Variants in FGF7 observed in about 807,000 individuals in gnomAD.
FGF7 encodes fibroblast growth factor 7.
In FGF7, 6 loss-of-function variants were observed where a neutral mutation model predicts 20.5. The ratio of observed to expected loss-of-function variants is 0.29; its 90% CI spans 0.16 to 0.58. The LOEUF is 0.58. Ranked by LOEUF, FGF7 falls within the 20% of genes least tolerant of loss-of-function variation. The pLI, the probability that FGF7 is intolerant of heterozygous loss-of-function variation, is 0.90. For synonymous variants in FGF7, 64 were observed against 74.7 expected, an observed-to-expected ratio of 0.86 and a Z score of 0.74; for missense variants, 144 against 228.8, an observed-to-expected ratio of 0.63 and a Z score of 2.39.
chr15:49,426,947 T>C (rs1159001840), intron 2 of FGF7, among the ~76,000 whole-genome samples: 1 of 152,040 alleles, frequency 6.6e-6, no homozygotes, highest in East Asian at 1.9e-4. Context: ...GTTATGTGGC[T>C]ATCTTATTGG....
At chr15:49,481,831 A>G (rs1404045931) in intron 2 of FGF7, among the ~76,000 whole-genome samples, 2 of 152,170 alleles carry the variant, frequency 1.3e-5, no homozygotes, top group Non-Finnish European at 2.9e-5. Flanking sequence ...CAACTGGACG[A>G]GCTCTGACTA....
chr15:49,479,599 G>GTTTTTTTTTTTTTTTTTT lies in FGF7; in HGVS notation c.287-3540_287-3523dup, dbSNP rs56097665. ...GTAGGATTTCATAGTTAATACCTCT[G>GTTTTTTTTTTTTTTTTTT]TTTTTTTTTTTTTTTTTTTTTTTTT... is the stretch of plus-strand genomic sequence containing the variant. On this transcript the variant is annotated intron_variant, in intron 2 of 3. Coordinates refer to ENST00000267843, the MANE Select transcript of FGF7 (RefSeq NM_002009.4). Among the ~76,000 whole-genome samples, 6 of 63,322 alleles carry GTTTTTTTTTTTTTTTTTT rather than the reference G, an allele frequency of 9.5e-5. 1 individual carries two copies. Among genetic ancestry groups the GTTTTTTTTTTTTTTTTTT allele is most frequent in the African/African-American group, 2.5e-4 (4 of 15,942 alleles). The allele number at this position is 63,322 out of a possible 152,430, so 41.5% of individuals were successfully genotyped here.
intron 2 of FGF7, among the ~76,000 whole-genome samples, chr15:49,464,646 C>G (rs1490655901): frequency 6.6e-6 from 1 of 151,972 alleles, no homozygotes; most frequent in Non-Finnish European, 1.5e-5. Flanking sequence ...AAAATGACAC[C>G]AATAAATCAT....
chr15:49,447,148 G>A (rs577003740), intron 2 of FGF7, among the ~76,000 whole-genome samples: 2 of 151,668 alleles, frequency 1.3e-5, no homozygotes, highest in South Asian at 4.2e-4. Flanking sequence ...CTTTCAAAAA[G>A]TATTTCTTGT....
chr15:49,445,010 G>A (rs1033909341), intron 2 of FGF7, among the ~76,000 whole-genome samples: 3 of 151,362 alleles, frequency 2.0e-5, no homozygotes, highest in Non-Finnish European at 4.4e-5. Context: ...ATTCATATAT[G>A]AATTCATATT....
intron 2 of FGF7, among the ~76,000 whole-genome samples, chr15:49,475,401 T>C (rs1384988371): frequency 6.6e-6 from 1 of 152,208 alleles, no homozygotes; most frequent in Non-Finnish European, 1.5e-5. Flanking sequence ...GGGTAGTCCT[T>C]TGAAAAGATT....
intron 2 of FGF7, among the ~76,000 whole-genome samples, chr15:49,468,832 T>A (rs1302036175): frequency 6.6e-6 from 1 of 152,168 alleles, no homozygotes. Context: ...GAGGTTTGTC[T>A]TCCGTGTTAA....
At chr15:49,470,674 A>C (rs1270197448) in intron 2 of FGF7, among the ~76,000 whole-genome samples, 1 of 152,234 alleles carries the variant, frequency 6.6e-6, no homozygotes, top group Non-Finnish European at 1.5e-5. Flanking sequence ...AAAAATGGGC[A>C]TAGCAAGAGG....
rs1347876409 is a variant in FGF7, at chr15:49,424,495, G to A, written c.198G>A (p.Val66=). 6.2e-7 allele frequency: 1 copy of A among 1,613,008 alleles called. No homozygotes were observed. Residue 66 remains valine, a synonymous_variant, in exon 2 of 4, where the codon GTG becomes GTA. Coordinates refer to ENST00000267843, the MANE Select transcript of FGF7 (RefSeq NM_002009.4). ...ACATGGAAGGAGGGGATATAAGAGT[G>A]AGAAGACTCTTCTGTCGAACACAGT... ...YDYMEGGDIR[V]RRLFCRTQWY... is the part of the protein sequence containing the mutation.
chr15:49,437,506 T>C (rs1178919739), intron 2 of FGF7, among the ~76,000 whole-genome samples: 2 of 151,648 alleles, frequency 1.3e-5, no homozygotes, highest in African/African-American at 4.8e-5. Context: ...ATATCTGGAA[T>C]TCTATTTTAA....
chr15:49,474,980 T>G (rs2055121215), intron 2 of FGF7, among the ~76,000 whole-genome samples: 1 of 142,974 alleles, frequency 7.0e-6, no homozygotes, highest in Non-Finnish European at 1.5e-5. Flanking sequence ...GAATTTATAT[T>G]TAAAATTCAA....
intron 2 of FGF7, among the ~76,000 whole-genome samples, chr15:49,476,254 C>A (rs554970945): frequency 6.1e-5 from 7 of 114,880 alleles, no homozygotes; most frequent in African/African-American, 1.9e-4. Context: ...TTGCATTTGG[C>A]ATATACTGCC....
Position 49,458,710 on chromosome 15 carries a change from CTAAAAGCAA to C in FGF7, c.287-24438_287-24430del, listed in dbSNP as rs2053535113. Among the ~76,000 whole-genome samples, 7 of 152,126 alleles carry C rather than the reference CTAAAAGCAA, an allele frequency of 4.6e-5. No homozygotes were observed. The South Asian group carries it at 1.2e-3, about 27-fold the overall frequency. ...AAAATCAACTTCATAATAATGTTTCCTAAAAGCAATAGGATTAGTTACAGTTGTGGATAT... is the reference window on the plus strand; with the variant it reads ...AAAATCAACTTCATAATAATGTTTCCTAGGATTAGTTACAGTTGTGGATAT... On this transcript the variant is annotated intron_variant, in intron 2 of 3. Coordinates refer to ENST00000267843, the MANE Select transcript of FGF7 (RefSeq NM_002009.4).
chr15:49,482,851 T>C lies in FGF7; in HGVS notation c.287-300T>C, dbSNP rs1295106149. Reference sequence around the variant, plus strand: ...CAATAAACATTAGCTATTATTATTATAGTAAATTAGAAATTTAATTCTAGA... The same window carrying C: ...CAATAAACATTAGCTATTATTATTACAGTAAATTAGAAATTTAATTCTAGA... On this transcript the variant is annotated intron_variant, in intron 2 of 3. Coordinates refer to ENST00000267843, the MANE Select transcript of FGF7 (RefSeq NM_002009.4). 3.3e-5 allele frequency among the ~76,000 whole-genome samples: 5 copies of C among 152,132 alleles called. No homozygotes were observed. The South Asian group carries it at 6.2e-4, about 19-fold the overall frequency.
chr15:49,441,047 AATACT>A (rs2051590184), intron 2 of FGF7, among the ~76,000 whole-genome samples: 1 of 151,786 alleles, frequency 6.6e-6, no homozygotes, highest in African/African-American at 2.4e-5. Context: ...ATAACACTTA[AATACT>A]TATGAATAGC....
chr15:49,454,961 T>C (rs564902040), intron 2 of FGF7, among the ~76,000 whole-genome samples: 4 of 152,268 alleles, frequency 2.6e-5, no homozygotes, highest in Admixed American at 2.6e-4. Flanking sequence ...CCATGTTCCA[T>C]TAGCCAATTC....
chr15:49,425,594 CAT>C (rs1418211557), intron 2 of FGF7: 9 of 151,864 alleles, frequency 5.9e-5, no homozygotes, highest in Non-Finnish European at 1.2e-4. Context: ...CTGGTGTAAA[CAT>C]GTGCAAATCA....
intron 2 of FGF7, among the ~76,000 whole-genome samples, chr15:49,450,133 A>C (rs1436981221): frequency 6.6e-6 from 1 of 152,148 alleles, no homozygotes; most frequent in East Asian, 1.9e-4. Flanking sequence ...TCTTACAGGG[A>C]AATTCACTAT....
chr15:49,485,147 T>G lies in FGF7; in HGVS notation c.*643T>G, dbSNP rs2056300427. ...CTATAAATAAGAACAAAATTTCTAA[T>G]GCTGCTCAAGTGGAAAGGGTATTGC... is the stretch of plus-strand genomic sequence containing the variant. On this transcript the variant is annotated 3_prime_UTR_variant, in exon 4 of 4. Transcript: ENST00000267843. The G allele has an allele frequency of 6.6e-6, 1 of 152,342 alleles. No individual in the cohort carries two copies. The highest frequency in any genetic ancestry group is 1.5e-5 in the Non-Finnish European group (1 of 67,946). 9.4% of individuals were successfully genotyped at this position (152,342 alleles called of 1,614,324 possible).
Sources: gnomAD v4.1 joint callset for allele counts (sites outside exome capture counted in the v4.1 genomes callset) on GRCh38, gnomAD v4.1.1 for gene constraint, MANE v1.5 for transcripts, NCBI Gene and HGNC (gene_info 2026-07-23, HGNC 2026-07-21) for gene names.